The following SEC24D variants were observed in gnomAD, a reference collection of about 807,000 sequenced individuals.
SEC24D encodes the protein protein transport protein Sec24D.
SEC24D carries 69 observed loss-of-function variants against 116.9 expected under a neutral mutation model. That is an observed-to-expected ratio of 0.59 (90% CI 0.49 to 0.72). The LOEUF (loss-of-function observed/expected upper bound fraction) is 0.72. Ranked by LOEUF, SEC24D falls within the 30% of genes least tolerant of loss-of-function variation. The probability of loss-of-function intolerance (pLI) is 0.00; values close to 1 mark genes in which losing one functional copy is unlikely to be tolerated. For missense variants in SEC24D, 1,131 were observed against 1,264.1 expected (o/e 0.89, Z 1.60); for synonymous variants, 405 against 442.8 (o/e 0.91, Z 1.07).
chr4:118,822,259 C>T (rs1730431695), intron 3 of SEC24D, among the ~76,000 whole-genome samples: 1 of 152,148 alleles, frequency 6.6e-6, no homozygotes, highest in African/African-American at 2.4e-5. Flanking sequence ...GGTTAGGTAA[C>T]TTATCTAGCT....
chr4:118,754,455 C>T (rs1163933351), intron 11 of SEC24D, among the ~76,000 whole-genome samples: 1 of 152,086 alleles, frequency 6.6e-6, no homozygotes, highest in Non-Finnish European at 1.5e-5. Context: ...CTTCTAAACA[C>T]TTATAAATCA....
At chr4:118,813,606 G>A (rs2110522317) in intron 6 of SEC24D, among the ~76,000 whole-genome samples, 1 of 152,260 alleles carries the variant, frequency 6.6e-6, no homozygotes, top group African/African-American at 2.4e-5. Flanking sequence ...ACTAATCCAT[G>A]AACGGATTAA....
At chr4:118,807,272 C>G (rs1361819890) in intron 6 of SEC24D, among the ~76,000 whole-genome samples, 1 of 152,158 alleles carries the variant, frequency 6.6e-6, no homozygotes, top group African/African-American at 2.4e-5. Context: ...AATGTGGAAA[C>G]ATCTGATATT....
At chr4:118,785,521 G>A (rs917757208) in intron 8 of SEC24D, among the ~76,000 whole-genome samples, 2 of 152,116 alleles carry the variant, frequency 1.3e-5, no homozygotes, top group Non-Finnish European at 2.9e-5. Context: ...GCTCCCCTCA[G>A]GAAGTGACTA....
Position 118,756,135 on chromosome 4 carries a change from T to C in SEC24D, c.1421+1586A>G, listed in dbSNP as rs567239205. On this transcript the variant is annotated intron_variant, in intron 11 of 22. Transcript: ENST00000280551. ...AGAGAAGGAAAAGAGAGAAAGACCA[T>C]TTCCAGCAATTAGAGTAGTTTTCTT... is the stretch of plus-strand genomic sequence containing the variant. Among the ~76,000 whole-genome samples the C allele has an allele frequency of 3.5e-3, 528 of 152,000 alleles. 3 individuals carry two copies. Among genetic ancestry groups the C allele is most frequent in the African/African-American group, 0.012 (500 of 41,514 alleles).
chr4:118,819,135 A>C (rs111701590), intron 3 of SEC24D, among the ~76,000 whole-genome samples: 64 of 152,364 alleles, frequency 4.2e-4, no homozygotes, highest in African/African-American at 1.5e-3. Context: ...ATCACTAAAA[A>C]ATGATTTCAA....
intron 7 of SEC24D, among the ~76,000 whole-genome samples, chr4:118,800,328 T>C (rs1388440784): frequency 6.6e-6 from 1 of 152,144 alleles, no homozygotes; most frequent in African/African-American, 2.4e-5. Flanking sequence ...ACAGCGATTG[T>C]GGCGGGGTTG....
intron 8 of SEC24D, among the ~76,000 whole-genome samples, chr4:118,779,457 T>C (rs139968109): frequency 0.023 from 3,529 of 152,338 alleles, 140 homozygotes; most frequent in African/African-American, 0.08. Flanking sequence ...TGAAGCTGAC[T>C]TGAATGTGGT....
chr4:118,833,493 CT>C, intron 2 of SEC24D, 85 bp downstream of exon 2: 1 of 890,270 alleles, frequency 1.1e-6, no homozygotes, highest in Non-Finnish European at 1.8e-6. Context: ...TCATTCAATG[CT>C]TTCAAATCTC....
At chr4:118,743,772 AT>A (rs774771793) in intron 15 of SEC24D, among the ~76,000 whole-genome samples, 1 of 152,224 alleles carries the variant, frequency 6.6e-6, no homozygotes, top group Non-Finnish European at 1.5e-5. Flanking sequence ...ATAATGCAAT[AT>A]TTGGTTCTGA....
intron 6 of SEC24D, among the ~76,000 whole-genome samples, chr4:118,813,304 G>A (rs1273254452): frequency 6.6e-6 from 1 of 152,190 alleles, no homozygotes; most frequent in Admixed American, 6.5e-5. Flanking sequence ...CTCCTCTACA[G>A]CCTTCAGGGG....
At chr4:118,816,871 C>T (rs1002766917) in intron 4 of SEC24D, 7 of 452,138 alleles carry the variant, frequency 1.5e-5, no homozygotes, top group African/African-American at 1.2e-4. Context: ...AATTAAAATG[C>T]ACTGTGAAAC....
intron 8 of SEC24D, among the ~76,000 whole-genome samples, chr4:118,789,372 T>G (rs1445861741): frequency 6.6e-6 from 1 of 152,242 alleles, no homozygotes; most frequent in Admixed American, 6.5e-5. Flanking sequence ...CAATTCCTTT[T>G]GCAGGTGACA....
At chr4:118,739,900 T>C (rs1211292755) in intron 17 of SEC24D, among the ~76,000 whole-genome samples, 1 of 152,210 alleles carries the variant, frequency 6.6e-6, no homozygotes, top group Non-Finnish European at 1.5e-5. Flanking sequence ...ATTCAGTCTC[T>C]ATGGCTTCTA....
At chr4:118,806,022 G>T in intron 6 of SEC24D, 68 bp from the exon 7 acceptor site, 1 of 991,702 alleles carries the variant, frequency 1.0e-6, no homozygotes, top group Non-Finnish European at 1.6e-6. Context: ...CATTTAGAGA[G>T]TACCCTTGCT....
chr4:118,781,991 T>G (rs1728436701), intron 8 of SEC24D, among the ~76,000 whole-genome samples: 1 of 152,204 alleles, frequency 6.6e-6, no homozygotes, highest in South Asian at 2.1e-4. Context: ...CGTCTAATGT[T>G]TTTTCAAGGT....
intron 8 of SEC24D, among the ~76,000 whole-genome samples, chr4:118,792,705 G>C (rs897695442): frequency 1.3e-5 from 2 of 152,130 alleles, no homozygotes; most frequent in Non-Finnish European, 2.9e-5. Flanking sequence ...TACTCATTAA[G>C]AGTCATCACC....
At chr4:118,781,668 T>C (rs959554654) in intron 8 of SEC24D, among the ~76,000 whole-genome samples, 8 of 152,238 alleles carry the variant, frequency 5.3e-5, no homozygotes, top group Non-Finnish European at 1.0e-4. Flanking sequence ...TCCTGGATAA[T>C]GTTCTGAAGA....
intron 6 of SEC24D, among the ~76,000 whole-genome samples, chr4:118,810,073 G>GGTGTGTGTGT (rs1560736678): frequency 4.2e-5 from 2 of 47,906 alleles, no homozygotes; most frequent in African/African-American, 2.0e-4. Flanking sequence ...GTCAGAGGTA[G>GGTGTGTGTGT]CTGTGTGTGT....
Sources: allele counts gnomAD v4.1 joint callset (sites outside exome capture counted in the v4.1 genomes callset), GRCh38; gene constraint gnomAD v4.1.1; transcripts MANE v1.5; gene names NCBI Gene and HGNC (gene_info 2026-07-23, HGNC 2026-07-21).